The following TNP2 variants were observed in gnomAD, a reference collection of about 807,000 sequenced individuals.
TNP2 encodes transition protein 2.
Under a neutral mutation model 8.5 loss-of-function variants are expected in TNP2, and 10 were observed. That is an observed-to-expected ratio of 1.17 (90% CI 0.72 to 1.99). TNP2 has a LOEUF of 1.99. Ranked by LOEUF, TNP2 falls within the 30% of genes most tolerant of loss-of-function variation. The probability of loss-of-function intolerance (pLI) is 0.00; values close to 1 mark genes in which losing one functional copy is unlikely to be tolerated. For missense variants in TNP2, 222 were observed against 181.2 expected, an observed-to-expected ratio of 1.23 and a Z score of -1.29; for synonymous variants, 80 against 62.3, an observed-to-expected ratio of 1.28 and a Z score of -1.34.
intron 1 of TNP2, 115 bp from the exon 2 acceptor site, chr16:11,268,127 C>A: frequency 1.0e-6 from 1 of 968,522 alleles, no homozygotes; most frequent in South Asian, 1.5e-5. Flanking sequence ...GAATATGGGA[C>A]ATAGATAGAG....
At chr16:11,268,782 A>G in intron 1 of TNP2, 81 bp downstream of exon 1, 1 of 1,430,710 alleles carries the variant, frequency 7.0e-7, no homozygotes, top group Non-Finnish European at 9.2e-7. Context: ...ACCTGGCTGC[A>G]GCCTTCCTCT....
In TNP2 at chr16:11,268,920, T is replaced by C; in HGVS notation, c.343A>G (p.Lys115Glu). Residue 115 changes from lysine (K) to glutamate (E), a missense_variant, in exon 1 of 2, where the codon AAG becomes GAG. Coordinates refer to ENST00000312693, the MANE Select transcript of TNP2 (RefSeq NM_005425.5). The stretch of plus-strand genomic sequence containing the variant: ...TGGATCCTCTTGGCCATTTTTTTCT[T>C]TTTCAGCTTGCCTTCCAAGTTCTTT... The part of the protein sequence containing the change: ...NRKNLEGKLK[K>E]KKMAKRIQQV... The C allele has an allele frequency of 6.2e-7, 1 of 1,608,384 alleles. No individual in the cohort carries two copies. Among genetic ancestry groups the C allele is most frequent in the Non-Finnish European group, 8.5e-7 (1 of 1,178,204 alleles).
At chr16:11,268,660 A>C (rs1042876735) in intron 1 of TNP2, 5 of 545,690 alleles carry the variant, frequency 9.2e-6, no homozygotes, top group Non-Finnish European at 1.2e-5. Flanking sequence ...CCATCCTCCT[A>C]ATCAACCCAT....
In TNP2 at chr16:11,269,258, TC is replaced by T; in HGVS notation, c.4del (p.Asp2ThrfsTer85). 6.3e-7 allele frequency: 1 copy of T among 1,598,880 alleles called. No individual in the cohort carries two copies. Among genetic ancestry groups the T allele is most frequent in the East Asian group, 2.2e-5 (1 of 44,836 alleles). Reference sequence around the variant, plus strand: ...GATAGGAAGGCTGTGAGTCTGGGTGTCCATAGGAGGCCACGTTTGGAGGGGC... The same window carrying T: ...GATAGGAAGGCTGTGAGTCTGGGTGTCATAGGAGGCCACGTTTGGAGGGGC... M[D>X]TQTHSLPITH... On this transcript the variant is annotated frameshift_variant, in exon 1 of 2. Coordinates refer to ENST00000312693, the MANE Select transcript of TNP2 (RefSeq NM_005425.5). LOFTEE classifies it high-confidence loss of function.
chr16:11,268,084 CCTGTAAGGTCTT>C (rs1161507238), intron 1 of TNP2, 72 bp from the exon 2 acceptor site: 6 of 1,436,810 alleles, frequency 4.2e-6, no homozygotes, highest in Non-Finnish European at 5.8e-6. Context: ...TCCTTGACCT[CCTGTAAGGTCTT>C]ACAACTACTC....
At position 11,268,901 on chromosome 16, in the gene TNP2, C is replaced by G. The variant is rs199536093; in HGVS notation, c.362G>C (p.Arg121Thr). 243 of 1,605,942 alleles carry G rather than the reference C, an allele frequency of 1.5e-4. 2 individuals carry two copies. The African/African-American group carries it at 2.8e-3, about 18-fold the overall frequency. Residue 121 changes from arginine (R) to threonine (T), a missense_variant, in exon 1 of 2, where the codon AGG (arginine) becomes ACG (threonine). Transcript: ENST00000312693. Reference protein sequence around the residue: ...GKLKKKKMAKRIQQVYKTKTR... With the variant: ...GKLKKKKMAKTIQQVYKTKTR... ...CTTGGTTTTGTACACCTGCTGGATC[C>G]TCTTGGCCATTTTTTTCTTTTTCAG...
At chr16:11,268,410 A>G (rs1382814512) in intron 1 of TNP2, 2 of 289,680 alleles carry the variant, frequency 6.9e-6, no homozygotes, top group Non-Finnish European at 1.3e-5. Context: ...CAATTCATCC[A>G]CCAACCACAA....
rs780037751 is a variant in TNP2 at position 11,269,192 on chromosome 16, C to T, written c.71G>A (p.Arg24His). ...GGTTTGGCAATGGCGGGTGCAGGTG[C>T]GGCTTTGGGGCTGAGAGTTGCTATG... Reference protein sequence around the residue: ...QLHSNSQPQSRTCTRHCQTFS... With the variant: ...QLHSNSQPQSHTCTRHCQTFS... Residue 24 changes from arginine to histidine, a missense_variant, in exon 1 of 2, where the codon CGC (arginine) becomes CAC (histidine). Arg to His is a conservative substitution (Grantham distance 29). Coordinates refer to ENST00000312693, the MANE Select transcript of TNP2 (RefSeq NM_005425.5). 20 of 1,611,258 alleles carry T rather than the reference C, an allele frequency of 1.2e-5. No homozygotes were observed. Among genetic ancestry groups the T allele is most frequent in the East Asian group, 4.5e-5 (2 of 44,890 alleles).
chr16:11,268,270 A>G (rs1031660896), intron 1 of TNP2: 7 of 456,932 alleles, frequency 1.5e-5, no homozygotes, highest in African/African-American at 1.2e-4. Context: ...TTCCCATTCT[A>G]TCCCATTAGT....
Position 11,269,056 on chromosome 16 carries a change from C to A in TNP2, c.207G>T (p.Gln69His), listed in dbSNP as rs1567460414. Residue 69 changes from glutamine (Q) to histidine (H), a missense_variant, in exon 1 of 2, where the codon CAG becomes CAT. By Grantham distance (24) the Gln-to-His change is conservative (BLOSUM62 0). Transcript: ENST00000312693. The part of the protein sequence containing the change: ...PTGAHSSSGH[Q>H]SQSPNTSPPP... ...GTGGACTAGTGTTGGGACTCTGGCT[C>A]TGGTGGCCGGATGAGCTGTGGGCTC... 1.2e-6 allele frequency: 2 copies of A among 1,613,924 alleles called. No individual in the cohort carries two copies. Among genetic ancestry groups the A allele is most frequent in the East Asian group, 2.2e-5 (1 of 44,876 alleles).
chr16:11,268,403 T>C (rs1055524067), intron 1 of TNP2: 12 of 281,354 alleles, frequency 4.3e-5, no homozygotes, highest in Non-Finnish European at 6.7e-5. Flanking sequence ...TTCTAACCAA[T>C]TCATCCACCA....
Position 11,268,854 on chromosome 16 carries a change from A to G in TNP2, c.400+9T>C, listed in dbSNP as rs1268726231. On this transcript the variant is annotated intron_variant, in intron 1 of 1. Coordinates refer to ENST00000312693, the MANE Select transcript of TNP2 (RefSeq NM_005425.5). Reference sequence around the variant, plus strand: ...CTCGGTGGCCCTTCCCCACCTCCTTAAAGGGTACCTGAGCTCCGCGTCTTG... The same window carrying G: ...CTCGGTGGCCCTTCCCCACCTCCTTGAAGGGTACCTGAGCTCCGCGTCTTG... 3.2e-6 allele frequency: 5 copies of G among 1,553,094 alleles called. No homozygotes were observed. The South Asian group carries it at 6.3e-5, about 19-fold the overall frequency.
At position 11,269,010 on chromosome 16, in the gene TNP2, T is replaced by G. The variant is rs1597699826; in HGVS notation, c.253A>C (p.Thr85Pro). The G allele has an allele frequency of 5.6e-6, 9 of 1,613,868 alleles. No homozygotes were observed. The highest frequency in any genetic ancestry group is 7.6e-6 in the Non-Finnish European group (9 of 1,179,876). ...TSPPPKRHKK[T>P]MNSHHSPMRP... ...ATGGGAGAGTGGTGGGAGTTCATAGTCTTTTTGTGGCGCTTTGGTGGTGGA... is the reference window on the plus strand; with the variant it reads ...ATGGGAGAGTGGTGGGAGTTCATAGGCTTTTTGTGGCGCTTTGGTGGTGGA... The change falls in exon 1 of 2, where the codon ACT (threonine) becomes CCT (proline). Residue 85 changes from threonine (T) to proline (P), a missense_variant. By Grantham distance (38) the Thr-to-Pro change is conservative. Transcript: ENST00000312693.
chr16:11,269,306 C>G lies in TNP2; in HGVS notation c.-44G>C. ...GGGCAGGGCCTCCTCCTCATCCTCTCCCAGCAGGCCTAGCTTTACAGAGGC... is the reference window on the plus strand; with the variant it reads ...GGGCAGGGCCTCCTCCTCATCCTCTGCCAGCAGGCCTAGCTTTACAGAGGC... On this transcript the variant is annotated 5_prime_UTR_variant, in exon 1 of 2. Transcript: ENST00000312693. 1 of 1,561,786 alleles carries G rather than the reference C, an allele frequency of 6.4e-7. No individual in the cohort carries two copies. Among genetic ancestry groups the G allele is most frequent in the Non-Finnish European group, 8.6e-7 (1 of 1,160,754 alleles).
Position 11,267,890 on chromosome 16 carries a change from C to T in TNP2, c.*106G>A, listed in dbSNP as rs1397220489. 24 of 1,249,990 alleles carry T rather than the reference C, an allele frequency of 1.9e-5. No individual in the cohort carries two copies. The highest frequency in any genetic ancestry group is 1.1e-4 in the South Asian group (8 of 74,512). 77.4% of individuals were successfully genotyped at this position (1,249,990 alleles called of 1,614,324 possible). A position where few individuals can be genotyped will look rare whatever the true frequency, so the allele number is the denominator to read the frequency against. On this transcript the variant is annotated 3_prime_UTR_variant, in exon 2 of 2. Transcript: ENST00000312693. ...CAGGTACAAGCTTTAATTAGTGTTG[C>T]GTAGAAATCACCATAGTAACATGTT... is the stretch of plus-strand genomic sequence containing the variant.
chr16:11,268,965 A>T lies in TNP2; in HGVS notation c.298T>A (p.Cys100Ser). Reference sequence around the variant, plus strand: ...TTCTTTCTGTTCTTGGGGCAGCGGCAGTGCAGGATGGTGGGCCGCATGGGA... The same window carrying T: ...TTCTTTCTGTTCTTGGGGCAGCGGCTGTGCAGGATGGTGGGCCGCATGGGA... The part of the protein sequence containing the change: ...HSPMRPTILH[C>S]RCPKNRKNLE... Residue 100 changes from cysteine to serine, a missense_variant, in exon 1 of 2, where the codon TGC becomes AGC. Physicochemically the swap from Cys to Ser is moderately radical, Grantham distance 112. Coordinates refer to ENST00000312693, the MANE Select transcript of TNP2 (RefSeq NM_005425.5). The T allele has an allele frequency of 6.2e-7, 1 of 1,613,620 alleles. No homozygotes were observed. Among genetic ancestry groups the T allele is most frequent in the Non-Finnish European group, 8.5e-7 (1 of 1,179,810 alleles).
intron 1 of TNP2, 174 bp downstream of exon 1, chr16:11,268,689 T>G (rs1052833317): frequency 9.4e-6 from 6 of 636,488 alleles, no homozygotes; most frequent in Non-Finnish European, 1.5e-5. Context: ...AAAGAGACTT[T>G]CCGTCAATGT....
chr16:11,267,869 T>C lies in TNP2; in HGVS notation c.*127A>G. On this transcript the variant is annotated 3_prime_UTR_variant, in exon 2 of 2. Coordinates refer to ENST00000312693, the MANE Select transcript of TNP2 (RefSeq NM_005425.5). ...GACTACTCAGGGATAGTCTTCCAGG[T>C]ACAAGCTTTAATTAGTGTTGCGTAG... 1 of 1,049,212 alleles carries C rather than the reference T, an allele frequency of 9.5e-7. No homozygotes were observed. Among genetic ancestry groups the C allele is most frequent in the East Asian group, 2.6e-5 (1 of 37,998 alleles). The allele number at this position is 1,049,212 out of a possible 1,614,324, so 65.0% of individuals were successfully genotyped here. A position where few individuals can be genotyped will look rare whatever the true frequency, so the allele number is the denominator to read the frequency against.
At chr16:11,268,835 G>C in intron 1 of TNP2, 28 bp downstream of exon 1, 1 of 1,523,154 alleles carries the variant, frequency 6.6e-7, no homozygotes. Flanking sequence ...TGGGCTCGGT[G>C]GCCCTTCCCC....
Sources: allele counts gnomAD v4.1 joint callset, GRCh38; gene constraint gnomAD v4.1.1; transcripts MANE v1.5; gene names NCBI Gene and HGNC (gene_info 2026-07-23, HGNC 2026-07-21).